NRG1: variants seen among roughly 807,000 people sequenced by gnomAD.
NRG1 encodes the protein pro-neuregulin-1, membrane-bound isoform.
NRG1 carries 18 observed loss-of-function variants against 63.8 expected under a neutral mutation model. The observed-to-expected ratio is 0.28, with a 90% CI of 0.19 to 0.42. NRG1 has a LOEUF of 0.42. NRG1 is among the 10% of genes least tolerant of loss of function. The probability of loss-of-function intolerance (pLI) is 1.00; values close to 1 mark genes in which losing one functional copy is unlikely to be tolerated. For missense variants in NRG1, 762 were observed against 814.7 expected (o/e 0.94, Z 0.79); for synonymous variants, 302 against 301.3 (o/e 1.00, Z -0.02).
At chr8:32,485,297 G>A (rs781371285) in intron 1 of NRG1, among the ~76,000 whole-genome samples, 8 of 151,820 alleles carry the variant, frequency 5.3e-5, no homozygotes, top group Non-Finnish European at 8.8e-5. Flanking sequence ...GTAGAGATGG[G>A]GTTTCTCCAT....
intron 1 of NRG1, among the ~76,000 whole-genome samples, chr8:32,333,076 A>G (rs1226249496): frequency 2.0e-5 from 3 of 152,168 alleles, no homozygotes; most frequent in African/African-American, 7.2e-5. Context: ...CCATTTTTTT[A>G]AAGAAGGATG....
chr8:32,579,395 A>G (rs1243981016), intron 1 of NRG1, among the ~76,000 whole-genome samples: 1 of 152,130 alleles, frequency 6.6e-6, no homozygotes, highest in Non-Finnish European at 1.5e-5. Flanking sequence ...TTCATTTTAC[A>G]CGCAAGAAAC....
chr8:32,604,292 G>T (rs1371121775), intron 2 of NRG1, among the ~76,000 whole-genome samples: 1 of 152,138 alleles, frequency 6.6e-6, no homozygotes, highest in Non-Finnish European at 1.5e-5. Flanking sequence ...GAAGATCAGG[G>T]GGTCTACATG....
intron 1 of NRG1, among the ~76,000 whole-genome samples, chr8:32,501,313 AT>A (rs1563550849): frequency 6.6e-6 from 1 of 152,216 alleles, no homozygotes; most frequent in Non-Finnish European, 1.5e-5. Context: ...ATTTCTAGGA[AT>A]TTTATATGAT....
chr8:32,059,508 G>C (rs554778162), intron 1 of NRG1, among the ~76,000 whole-genome samples: 2 of 152,072 alleles, frequency 1.3e-5, no homozygotes. Context: ...GCACACAGGA[G>C]GTAAATGTTC....
At chr8:32,320,566 G>T (rs921284787) in intron 1 of NRG1, among the ~76,000 whole-genome samples, 5 of 152,134 alleles carry the variant, frequency 3.3e-5, no homozygotes, top group African/African-American at 7.2e-5. Flanking sequence ...AGCAATAGGG[G>T]AGGTGCTACA....
chr8:32,163,845 C>T (rs993723251), intron 1 of NRG1, among the ~76,000 whole-genome samples: 15 of 152,110 alleles, frequency 9.9e-5, no homozygotes, highest in Non-Finnish European at 1.8e-4. Context: ...TTTCATTTCA[C>T]GCTAGGAAGT....
At chr8:32,668,929 C>T (rs1333544623) in intron 5 of NRG1, among the ~76,000 whole-genome samples, 2 of 152,076 alleles carry the variant, frequency 1.3e-5, no homozygotes, top group South Asian at 2.1e-4. Context: ...TTGGTTGTGT[C>T]GAATAGAATT....
Position 32,532,387 on chromosome 8 carries a change from G to T in NRG1, c.38-63441G>T, listed in dbSNP as rs527238433. ...AAACTGTCCTTGCAGTTAAGGTGCT[G>T]TTAATTCAAAGTACCTATGACTTCC... On this transcript the variant is annotated intron_variant, in intron 1 of 10. Transcript: ENST00000519301. Among the ~76,000 whole-genome samples, 32 of 152,234 alleles carry T rather than the reference G, an allele frequency of 2.1e-4. No individual in the cohort carries two copies. The South Asian group carries it at 6.0e-3, about 29-fold the overall frequency.
chr8:31,683,052 C>T (rs190816327), intron 1 of NRG1, among the ~76,000 whole-genome samples: 95 of 152,176 alleles, frequency 6.2e-4, no homozygotes, highest in African/African-American at 1.3e-3. Flanking sequence ...TTAACTAACC[C>T]GCCCTCGGGA....
chr8:32,677,622 A>G (rs1286772586), intron 5 of NRG1, among the ~76,000 whole-genome samples: 1 of 152,040 alleles, frequency 6.6e-6, no homozygotes, highest in Non-Finnish European at 1.5e-5. Flanking sequence ...ATGCCACTGC[A>G]CTCCAGCCTG....
intron 1 of NRG1, among the ~76,000 whole-genome samples, chr8:32,174,108 A>G (rs1563870684): frequency 6.6e-6 from 1 of 152,218 alleles, no homozygotes; most frequent in Non-Finnish European, 1.5e-5. Context: ...CTCCTCAGCA[A>G]ATGTAAAAGA....
At chr8:32,419,778 A>G (rs1402603947) in intron 1 of NRG1, among the ~76,000 whole-genome samples, 1 of 152,224 alleles carries the variant, frequency 6.6e-6, no homozygotes, top group South Asian at 2.1e-4. Context: ...CTAGTACAAC[A>G]TAACGCAGCT....
At chr8:32,507,811 C>T (rs1828710673) in intron 1 of NRG1, among the ~76,000 whole-genome samples, 4 of 152,106 alleles carry the variant, frequency 2.6e-5, no homozygotes, top group Admixed American at 1.3e-4. Context: ...AATTCTCATG[C>T]CTCAGCCTCC....
At chr8:32,023,743 T>C (rs967406242) in intron 1 of NRG1, among the ~76,000 whole-genome samples, 6 of 152,142 alleles carry the variant, frequency 3.9e-5, no homozygotes, top group African/African-American at 1.4e-4. Flanking sequence ...CTCAGCCTTC[T>C]CTGGAAGAAA....
At chr8:32,316,826 T>A (rs1317375067) in intron 1 of NRG1, among the ~76,000 whole-genome samples, 1 of 128,184 alleles carries the variant, frequency 7.8e-6, no homozygotes, top group Non-Finnish European at 1.7e-5. Context: ...TAAAATAAAA[T>A]AAAACACATT....
intron 1 of NRG1, among the ~76,000 whole-genome samples, chr8:31,688,301 G>T (rs1410600304): frequency 6.6e-6 from 1 of 152,144 alleles, no homozygotes; most frequent in Non-Finnish European, 1.5e-5. Flanking sequence ...TCTCATGATT[G>T]GATTAGTGCC....
chr8:32,747,507 A>C (rs990897320), intron 7 of NRG1, among the ~76,000 whole-genome samples: 31 of 152,232 alleles, frequency 2.0e-4, no homozygotes, highest in African/African-American at 6.3e-4. Flanking sequence ...GCACGGAGGC[A>C]AGAGAAATTT....
At chr8:31,855,493 AG>A (rs1245237324) in intron 1 of NRG1, among the ~76,000 whole-genome samples, 6 of 151,658 alleles carry the variant, frequency 4.0e-5, no homozygotes, top group Admixed American at 2.6e-4. Flanking sequence ...TTTTATTTTG[AG>A]CCTATGTGTG....
Sources: gnomAD v4.1 joint callset for allele counts (sites outside exome capture counted in the v4.1 genomes callset) on GRCh38, gnomAD v4.1.1 for gene constraint, MANE v1.5 for transcripts, NCBI Gene and HGNC (gene_info 2026-07-23, HGNC 2026-07-21) for gene names.